The following TENM3 variants were observed in gnomAD, a reference collection of about 807,000 sequenced individuals.
TENM3 encodes the protein teneurin transmembrane protein 3, also known as teneurin-3.
A neutral mutation model predicts 255.1 loss-of-function variants in TENM3; 63 were observed. The ratio of observed to expected loss-of-function variants is 0.25; its 90% confidence interval spans 0.20 to 0.30. TENM3 has a LOEUF of 0.30. Among genes scored for constraint, TENM3 ranks in the 10% least tolerant of loss-of-function variants. TENM3 has a pLI of 1.00. For missense variants in TENM3, 2,929 were observed against 3,461.1 expected, an observed-to-expected ratio of 0.85 and a Z score of 3.86; for synonymous variants, 1,306 against 1,322.3, an observed-to-expected ratio of 0.99 and a Z score of 0.27.
the TENM3 span, among the ~76,000 whole-genome samples, chr4:181,955,847 G>T: frequency 2.0e-5 from 3 of 152,078 alleles, no homozygotes; most frequent in African/African-American, 7.2e-5. Context: ...AGGGTTAGGT[G>T]GTACCAGATC....
intron 24 of TENM3, among the ~76,000 whole-genome samples, chr4:182,787,742 A>AG (rs1765790922): frequency 7.2e-6 from 1 of 138,844 alleles, no homozygotes; most frequent in South Asian, 2.1e-4. Flanking sequence ...CCTCAAAAAA[A>AG]AAAAAAAAAA....
At chr4:182,594,866 C>T (rs1429024835) in intron 3 of TENM3, among the ~76,000 whole-genome samples, 3 of 151,826 alleles carry the variant, frequency 2.0e-5, no homozygotes, top group East Asian at 1.9e-4. Flanking sequence ...ATTACAGGCA[C>T]GTGCCACCGC....
chr4:182,291,226 C>T (rs1222905465), intron 1 of TENM3, among the ~76,000 whole-genome samples: 1 of 152,114 alleles, frequency 6.6e-6, no homozygotes, highest in African/African-American at 2.4e-5. Flanking sequence ...GCTGGCTGGT[C>T]TCCGGCAGGC....
At chr4:181,828,552 A>G in the TENM3 span, among the ~76,000 whole-genome samples, 1 of 152,190 alleles carries the variant, frequency 6.6e-6, no homozygotes, top group African/African-American at 2.4e-5. Context: ...ATGACAAAAC[A>G]ACACTTGAAC....
Position 182,793,086 on chromosome 4 carries a change from CCAAA to C in TENM3, c.6417_6420del (p.Thr2140PhefsTer7). 2 of 1,613,954 alleles carry C rather than the reference CCAAA, an allele frequency of 1.2e-6. No homozygotes were observed. Among genetic ancestry groups the C allele is most frequent in the Non-Finnish European group, 1.7e-6 (2 of 1,179,898 alleles). On this transcript the variant is annotated frameshift_variant, in exon 26 of 28. Transcript: ENST00000511685. LOFTEE classifies it high-confidence loss of function. The surrounding 1 kb of genome is among the most constrained non-coding windows in gnomAD (Gnocchi z 5.7). ...ATGAATATGATGTTGATGGACAGCT[CCAAA>C]CAGTTTACCTCAATGAAAAGATAAT...
intron 4 of TENM3, among the ~76,000 whole-genome samples, chr4:182,609,949 C>A (rs984401677): frequency 6.6e-6 from 1 of 152,074 alleles, no homozygotes; most frequent in Admixed American, 6.5e-5. Context: ...TGACATCTAC[C>A]AAGGAAATAA....
the TENM3 span, among the ~76,000 whole-genome samples, chr4:181,595,470 T>A: frequency 7.4e-6 from 1 of 135,916 alleles, no homozygotes; most frequent in Non-Finnish European, 1.6e-5. Flanking sequence ...AAGAGTAGAA[T>A]TTAATTCAAC....
intron 12 of TENM3, among the ~76,000 whole-genome samples, chr4:182,704,474 C>T (rs1462242856): frequency 6.6e-6 from 1 of 152,236 alleles, no homozygotes; most frequent in Non-Finnish European, 1.5e-5. Flanking sequence ...GGCACTCTTT[C>T]AGCAGTGCTG....
At chr4:182,638,527 A>G (rs1220917751) in intron 5 of TENM3, among the ~76,000 whole-genome samples, 1 of 152,196 alleles carries the variant, frequency 6.6e-6, no homozygotes, top group African/African-American at 2.4e-5. Context: ...CAGTCTATAC[A>G]GTGACTCGAA....
At chr4:182,589,446 A>ATTTTTTTTTT (rs367629189) in intron 3 of TENM3, among the ~76,000 whole-genome samples, 1 of 129,412 alleles carries the variant, frequency 7.7e-6, no homozygotes, top group Non-Finnish European at 1.6e-5. Context: ...TAGGTTTTTA[A>ATTTTTTTTTT]TTTTTTTTTT....
intron 1 of TENM3, among the ~76,000 whole-genome samples, chr4:182,257,052 T>G (rs1039595545): frequency 6.6e-6 from 1 of 152,106 alleles, no homozygotes; most frequent in Non-Finnish European, 1.5e-5. Context: ...TGCCATAGGG[T>G]GTAATGGTTA....
At chr4:182,100,834 TATATACTC>T in the TENM3 span, among the ~76,000 whole-genome samples, 793 of 7,394 alleles carry the variant, frequency 0.11, 254 homozygotes, top group East Asian at 0.17. Context: ...TATATATATA[TATATACTC>T]ATATATATAT....
the TENM3 span, among the ~76,000 whole-genome samples, chr4:182,105,386 AG>A: frequency 6.6e-6 from 1 of 152,192 alleles, no homozygotes; most frequent in Admixed American, 6.5e-5. Context: ...TCACTTTAAA[AG>A]GAATAGTCAA....
At chr4:181,843,789 G>A in the TENM3 span, among the ~76,000 whole-genome samples, 20 of 142,344 alleles carry the variant, frequency 1.4e-4, 1 homozygote, top group African/African-American at 5.0e-4. Flanking sequence ...GCGTGATCTT[G>A]GCTCACTGCA....
the TENM3 span, among the ~76,000 whole-genome samples, chr4:181,945,707 A>G: frequency 1.3e-5 from 2 of 152,086 alleles, no homozygotes; most frequent in South Asian, 4.1e-4. Context: ...CTGGCTTTTT[A>G]TATTTCGTTA....
At chr4:181,604,462 G>A in the TENM3 span, among the ~76,000 whole-genome samples, 1 of 151,818 alleles carries the variant, frequency 6.6e-6, no homozygotes, top group East Asian at 1.9e-4. Context: ...TCCCAGGGGG[G>A]ACATCTCAGT....
intron 4 of TENM3, among the ~76,000 whole-genome samples, chr4:182,616,647 G>A (rs377489720): frequency 1.3e-5 from 2 of 151,148 alleles, no homozygotes; most frequent in East Asian, 3.9e-4. Context: ...CGTGTGGGTG[G>A]GCTTCTCCCG....
At chr4:181,811,348 C>A in the TENM3 span, among the ~76,000 whole-genome samples, 3 of 152,162 alleles carry the variant, frequency 2.0e-5, no homozygotes, top group Admixed American at 1.3e-4. Flanking sequence ...CATCATGTAT[C>A]TCTTCTCAAT....
At chr4:181,802,299 G>A in the TENM3 span, among the ~76,000 whole-genome samples, 2 of 152,090 alleles carry the variant, frequency 1.3e-5, no homozygotes, top group Non-Finnish European at 2.9e-5. Flanking sequence ...CTTCAGCCAA[G>A]GACATTACAG....
Sources: allele counts gnomAD v4.1 joint callset (sites outside exome capture counted in the v4.1 genomes callset), GRCh38; gene constraint gnomAD v4.1.1; non-coding constraint Gnocchi (gnomAD v3.1); transcripts MANE v1.5; gene names NCBI Gene and HGNC (gene_info 2026-07-23, HGNC 2026-07-21).